PRELID2: variants seen among roughly 807,000 people sequenced by gnomAD.
PRELID2 encodes the protein PRELI domain-containing protein 2.
A neutral mutation model predicts 28.4 loss-of-function variants in PRELID2; 25 were observed. The ratio of observed to expected loss-of-function variants is 0.88; its 90% CI spans 0.64 to 1.23. The LOEUF (loss-of-function observed/expected upper bound fraction) is 1.23. Among genes scored for constraint, PRELID2 ranks in the 50% most tolerant of loss-of-function variants. PRELID2 has a pLI of 0.00. For synonymous variants in PRELID2, 76 were observed against 71.6 expected (o/e 1.06, Z -0.31); for missense variants, 201 against 214.4 (o/e 0.94, Z 0.39).
At chr5:145,363,130 A>AAAC in the PRELID2 span, among the ~76,000 whole-genome samples, 1 of 151,866 alleles carries the variant, frequency 6.6e-6, no homozygotes, top group African/African-American at 2.4e-5. Context: ...AAAAAAAAAA[A>AAAC]AACAGAGAAA....
the PRELID2 span, among the ~76,000 whole-genome samples, chr5:145,460,156 G>T: frequency 5.0e-4 from 76 of 152,216 alleles, no homozygotes; most frequent in Admixed American, 1.3e-3. Flanking sequence ...CACAATTCAT[G>T]TCATTAACTA....
the PRELID2 span, among the ~76,000 whole-genome samples, chr5:145,335,750 G>C: frequency 6.6e-6 from 1 of 152,182 alleles, no homozygotes; most frequent in African/African-American, 2.4e-5. Flanking sequence ...GGAAGAAAGA[G>C]CTCAAAGAAC....
At chr5:145,567,346 G>GTTTGTTTTGGTTTGT (rs1214279272) in intron 1 of PRELID2, among the ~76,000 whole-genome samples, 3 of 145,336 alleles carry the variant, frequency 2.1e-5, no homozygotes, top group South Asian at 4.4e-4. Context: ...AGATCTGATG[G>GTTTGTTTTGGTTTGT]TTTGGTTTGG....
chr5:145,478,442 G>A (rs1752127196), intron 1 of PRELID2, among the ~76,000 whole-genome samples: 1 of 151,854 alleles, frequency 6.6e-6, no homozygotes, highest in Non-Finnish European at 1.5e-5. Context: ...AGCTACTGGG[G>A]GATCCTCCTG....
At chr5:145,399,936 A>G in the PRELID2 span, among the ~76,000 whole-genome samples, 1 of 152,160 alleles carries the variant, frequency 6.6e-6, no homozygotes, top group Admixed American at 6.5e-5. Context: ...ACCTGCTCCC[A>G]TTATTCAATT....
chr5:145,598,827 G>T (rs1313974706), intron 1 of PRELID2, among the ~76,000 whole-genome samples: 1 of 152,086 alleles, frequency 6.6e-6, no homozygotes, highest in South Asian at 2.1e-4. Flanking sequence ...AACAAACCAG[G>T]TGCAATAATA....
At chr5:145,420,415 T>C in the PRELID2 span, among the ~76,000 whole-genome samples, 2 of 151,288 alleles carry the variant, frequency 1.3e-5, no homozygotes, top group African/African-American at 4.9e-5. Context: ...CCTGGAGCAG[T>C]GGTTTGTAGT....
the PRELID2 span, among the ~76,000 whole-genome samples, chr5:145,305,245 T>C: frequency 6.6e-6 from 1 of 152,088 alleles, no homozygotes; most frequent in Non-Finnish European, 1.5e-5. Flanking sequence ...TAATGTAAAA[T>C]TGTAAGCTGG....
At chr5:145,576,923 C>G (rs1286829448) in intron 1 of PRELID2, among the ~76,000 whole-genome samples, 1 of 152,054 alleles carries the variant, frequency 6.6e-6, no homozygotes, top group Non-Finnish European at 1.5e-5. Context: ...ACATGTACCC[C>G]TAAAACATGT....
chr5:145,557,896 T>G lies in PRELID2; in HGVS notation n.71-84581A>C, dbSNP rs115719857. 9.0e-3 allele frequency among the ~76,000 whole-genome samples: 1,376 copies of G among 152,306 alleles called. 8 individuals carry two copies. The highest frequency in any genetic ancestry group is 0.013 in the African/African-American group (523 of 41,580). On this transcript the variant is annotated intron_variant and non_coding_transcript_variant, in intron 1 of 2. Coordinates refer to the PRELID2 transcript ENST00000510259. ...TTTAAAATTTGGGACCAAAATGGCT[T>G]ATTGATGAAGTTGGTTCTTGCCTTG...
chr5:145,338,673 G>T, the PRELID2 span, among the ~76,000 whole-genome samples: 1 of 152,052 alleles, frequency 6.6e-6, no homozygotes, highest in African/African-American at 2.4e-5. Context: ...ACCACTTTTT[G>T]AGTCTTTACT....
intron 1 of PRELID2, among the ~76,000 whole-genome samples, chr5:145,614,710 C>G (rs1027726495): frequency 6.6e-6 from 1 of 152,066 alleles, no homozygotes; most frequent in South Asian, 2.1e-4. Flanking sequence ...ATTATTTATA[C>G]GTTCTAGAAG....
At chr5:145,595,809 C>A (rs917444882) in intron 1 of PRELID2, among the ~76,000 whole-genome samples, 1 of 152,130 alleles carries the variant, frequency 6.6e-6, no homozygotes, top group Non-Finnish European at 1.5e-5. Context: ...GGTTACATGT[C>A]TACTTTTAAA....
the PRELID2 span, among the ~76,000 whole-genome samples, chr5:145,357,483 A>G: frequency 6.6e-6 from 1 of 151,764 alleles, no homozygotes; most frequent in Non-Finnish European, 1.5e-5. Flanking sequence ...TATTTTGGAG[A>G]ACCGGTCTTC....
chr5:145,304,176 T>C, the PRELID2 span, among the ~76,000 whole-genome samples: 1 of 152,190 alleles, frequency 6.6e-6, no homozygotes, highest in Non-Finnish European at 1.5e-5. Context: ...ATAATATATG[T>C]ATTAAACACT....
the PRELID2 span, among the ~76,000 whole-genome samples, chr5:145,280,997 T>G: frequency 1.3e-5 from 2 of 152,136 alleles, no homozygotes; most frequent in African/African-American, 4.8e-5. Context: ...AGTATCTAGA[T>G]GCTCAAATGT....
Position 145,764,953 on chromosome 5 carries a change from G to C in PRELID2, c.522C>G (p.Pro174=). Reference sequence around the variant, plus strand: ...CACTGATGATTCTTTATTCAGCTAAGGGGGCACCACACTGTTCCTTTAGCA... The same window carrying C: ...CACTGATGATTCTTTATTCAGCTAACGGGGCACCACACTGTTCCTTTAGCA... ...EMLLKEQCGA[P]LAE is the part of the protein sequence containing the mutation. Residue 174 remains proline, a synonymous_variant, in exon 6 of 7, where the codon CCC becomes CCG. Transcript: ENST00000683046. 1.2e-6 allele frequency: 2 copies of C among 1,612,514 alleles called. No individual in the cohort carries two copies. The highest frequency in any genetic ancestry group is 1.1e-5 in the South Asian group (1 of 90,928).
rs80324300 is a variant in PRELID2, at chr5:145,700,986, G to A, written n.70+63945C>T. 4.7e-4 allele frequency among the ~76,000 whole-genome samples: 72 copies of A among 152,290 alleles called. No homozygotes were observed. The East Asian group carries it at 0.012, about 26-fold the overall frequency. On this transcript the variant is annotated intron_variant and non_coding_transcript_variant, in intron 1 of 2. Transcript: ENST00000510259. ...GGAAATTACAGCCACTGGGAGCCAG[G>A]CTCTGAGAGGACCAGAGAAAGATGA...
intron 1 of PRELID2, among the ~76,000 whole-genome samples, chr5:145,605,662 T>C (rs1753493976): frequency 6.6e-6 from 1 of 152,122 alleles, no homozygotes; most frequent in African/African-American, 2.4e-5. Flanking sequence ...TCAAGCTCTT[T>C]TATGGTTCCA....
Sources: gnomAD v4.1 joint callset for allele counts (sites outside exome capture counted in the v4.1 genomes callset) on GRCh38, gnomAD v4.1.1 for gene constraint, MANE v1.5 for transcripts, NCBI Gene and HGNC (gene_info 2026-07-23, HGNC 2026-07-21) for gene names.